RNF126: variants seen among roughly 807,000 people sequenced by gnomAD.
RNF126 encodes ring finger protein 126, also known as E3 ubiquitin-protein ligase RNF126.
RNF126 carries 20 observed loss-of-function variants against 41.9 expected under a neutral mutation model. The observed-to-expected ratio is 0.48, with a 90% confidence interval of 0.34 to 0.69. RNF126 has a LOEUF of 0.69. RNF126 is among the 30% of genes least tolerant of loss of function. RNF126 has a pLI of 0.01. For synonymous variants in RNF126, 239 were observed against 202.9 expected, an observed-to-expected ratio of 1.18 and a Z score of -1.51; for missense variants, 433 against 460.6, an observed-to-expected ratio of 0.94 and a Z score of 0.55.
At chr19:653,259 A>G (rs980590097) in intron 1 of RNF126, among the ~76,000 whole-genome samples, 1 of 152,026 alleles carries the variant, frequency 6.6e-6, no homozygotes, top group South Asian at 2.1e-4. Flanking sequence ...AATACCCCAC[A>G]GTGGCATTTC....
chr19:652,358 C>T, intron 2 of RNF126, 62 bp from the exon 3 acceptor site: 1 of 1,378,384 alleles, frequency 7.3e-7, no homozygotes, highest in Non-Finnish European at 9.9e-7. Context: ...CCAGGCGCTC[C>T]CTCCCCTCAA....
Position 648,085 on chromosome 19 carries a change from T to TG in RNF126, c.*42dup, listed in dbSNP as rs1568187619. 8 of 1,510,618 alleles carry TG rather than the reference T, an allele frequency of 5.3e-6. 1 individual carries two copies. In the South Asian group the frequency reaches 1.0e-4, roughly 20 times the overall value. 93.6% of individuals were successfully genotyped at this position (1,510,618 alleles called of 1,614,324 possible). On this transcript the variant is annotated 3_prime_UTR_variant, in exon 9 of 9. Transcript: ENST00000292363. ...GGTGCCGTGTGGCGCTGGCTGAGGG[T>TG]GGGTGGGAAAGGCCCCGTGCTTTCC...
Position 648,361 on chromosome 19 carries a change from G to GCC in RNF126, c.786+10_786+11insGG. On this transcript the variant is annotated intron_variant, in intron 8 of 8. Transcript: ENST00000292363. ...GGTCGGGGTGGGGGGGCGGGTGGGCGGGGCACTCACCTGCTCCAGCCAGGG... is the reference window on the plus strand; with the variant it reads ...GGTCGGGGTGGGGGGGCGGGTGGGCGCCGGGCACTCACCTGCTCCAGCCAGGG... 7.5e-7 allele frequency: 1 copy of GCC among 1,333,412 alleles called. No individual in the cohort carries two copies. Among genetic ancestry groups the GCC allele is most frequent in the Non-Finnish European group, 1.0e-6 (1 of 972,968 alleles). The allele number at this position is 1,333,412 out of a possible 1,614,324, so 82.6% of individuals were successfully genotyped here. A position where few individuals can be genotyped will look rare whatever the true frequency, so the allele number is the denominator to read the frequency against.
At chr19:658,942 C>T (rs2144775013) in intron 1 of RNF126, among the ~76,000 whole-genome samples, 1 of 152,334 alleles carries the variant, frequency 6.6e-6, no homozygotes, top group African/African-American at 2.4e-5. Flanking sequence ...TCAGCACCGG[C>T]ATCTGCCCGA....
At chr19:655,450 C>A (rs1223400620) in intron 1 of RNF126, among the ~76,000 whole-genome samples, 3 of 151,306 alleles carry the variant, frequency 2.0e-5, no homozygotes, top group African/African-American at 7.3e-5. Flanking sequence ...CGCGCCACTG[C>A]ACTCTAGCCC....
At chr19:649,226 G>GGGT (rs2030142059) in intron 6 of RNF126, 1 of 257,984 alleles carries the variant, frequency 3.9e-6, no homozygotes, top group African/African-American at 2.2e-5. Flanking sequence ...GGAATGGGGG[G>GGGT]GGGGGCCGCG....
intron 6 of RNF126, chr19:649,331 G>A: frequency 2.9e-6 from 1 of 349,264 alleles, no homozygotes; most frequent in Non-Finnish European, 5.2e-6. Context: ...ATGCTCCAAG[G>A]GCTCCTCAGC....
Position 650,308 on chromosome 19 carries a change from A to C in RNF126, c.444-12T>G, listed in dbSNP as rs770534456. On this transcript the variant is annotated splice_polypyrimidine_tract_variant and intron_variant, in intron 4 of 8. Transcript: ENST00000292363. Reference sequence around the variant, plus strand: ...GCTGCTGGATGATCCTGGAAAAGAGAGCGCCAGTCACGGGGTGAGGCCGCC... The same window carrying C: ...GCTGCTGGATGATCCTGGAAAAGAGCGCGCCAGTCACGGGGTGAGGCCGCC... 12 of 1,572,168 alleles carry C rather than the reference A, an allele frequency of 7.6e-6. No individual in the cohort carries two copies. Among genetic ancestry groups the C allele is most frequent in the Middle Eastern group, 1.7e-4 (1 of 6,018 alleles).
intron 3 of RNF126, 28 bp from the exon 4 acceptor site, chr19:651,883 G>A (rs755439775): frequency 3.8e-5 from 60 of 1,589,684 alleles, no homozygotes; most frequent in Middle Eastern, 1.7e-4. Flanking sequence ...GCGTGACCTC[G>A]GGGGCTCAGG....
At chr19:648,560 C>T (rs1031887613) in intron 7 of RNF126, 73 bp from the exon 8 acceptor site, 11 of 1,259,444 alleles carry the variant, frequency 8.7e-6, no homozygotes, top group Middle Eastern at 2.6e-4. Context: ...GGCTACTCCA[C>T]AGCCTCAGCC....
At chr19:650,585 T>A (rs908545388) in intron 4 of RNF126, 11 of 30,934 alleles carry the variant, frequency 3.6e-4, no homozygotes, top group Admixed American at 7.0e-4. Context: ...TCTCGGCTAC[T>A]TTTTTTTTTT....
chr19:652,946 A>C, intron 1 of RNF126, 62 bp from the exon 2 acceptor site: 2 of 1,504,236 alleles, frequency 1.3e-6, no homozygotes, highest in Middle Eastern at 1.7e-4. Context: ...AACCCCCCCA[A>C]GTGTGAGGAC....
At position 648,047 on chromosome 19, in the gene RNF126, CACCCA is replaced by C; in HGVS notation, c.*76_*80del. On this transcript the variant is annotated 3_prime_UTR_variant, in exon 9 of 9. Transcript: ENST00000292363. ...CCAGCCAAGCGTGGCGCCGCCGGGG[CACCCA>C]GTCTGTGGGTGCCGTGTGGCGCTGG... 2.1e-6 allele frequency: 3 copies of C among 1,422,812 alleles called. No homozygotes were observed. Among genetic ancestry groups the C allele is most frequent in the Non-Finnish European group, 2.8e-6 (3 of 1,077,798 alleles). The allele number at this position is 1,422,812 out of a possible 1,614,324, so 88.1% of individuals were successfully genotyped here.
intron 1 of RNF126, 113 bp from the exon 2 acceptor site, chr19:652,997 C>A (rs2030396444): frequency 2.0e-6 from 2 of 1,013,754 alleles, no homozygotes; most frequent in African/African-American, 1.6e-5. Context: ...TGGCCAGGCA[C>A]ACGCAGGCCA....
At chr19:654,317 G>GA (rs2030463041) in intron 1 of RNF126, among the ~76,000 whole-genome samples, 1 of 152,178 alleles carries the variant, frequency 6.6e-6, no homozygotes, top group Non-Finnish European at 1.5e-5. Flanking sequence ...CACCACATGC[G>GA]TTTCAGCCCA....
intron 1 of RNF126, among the ~76,000 whole-genome samples, chr19:662,009 G>A (rs564410746): frequency 3.9e-5 from 6 of 152,074 alleles, no homozygotes; most frequent in Admixed American, 1.3e-4. Flanking sequence ...CCTGGCGAAG[G>A]GCAACACGGG....
intron 6 of RNF126, 140 bp downstream of exon 6, chr19:649,539 G>C (rs933068404): frequency 1.5e-6 from 1 of 658,528 alleles, no homozygotes; most frequent in Non-Finnish European, 2.6e-6. Context: ...TGCCCCCTGT[G>C]CCCGCCAGAG....
intron 7 of RNF126, 41 bp from the exon 8 acceptor site, chr19:648,528 G>A (rs1049525639): frequency 2.7e-6 from 4 of 1,465,508 alleles, no homozygotes; most frequent in Non-Finnish European, 2.8e-6. Context: ...GGCGTGGGGG[G>A]CCTGCCGAGC....
Position 651,808 on chromosome 19 carries a change from A to C in RNF126, c.246T>G (p.Phe82Leu). 1.2e-6 allele frequency: 2 copies of C among 1,612,742 alleles called. No homozygotes were observed. Among genetic ancestry groups the C allele is most frequent in the Non-Finnish European group, 1.7e-6 (2 of 1,179,852 alleles). The change falls in exon 4 of 9, where the codon TTT (phenylalanine) becomes TTG (leucine). Residue 82 changes from phenylalanine (F) to leucine (L), a missense_variant. Transcript: ENST00000292363. Reference sequence around the variant, plus strand: ...AGCTGTCATCGAAGATGCCGAAAGCAAACTGTCCGTAGCCCTGCGGCAGCG... The same window carrying C: ...AGCTGTCATCGAAGATGCCGAAAGCCAACTGTCCGTAGCCCTGCGGCAGCG... ...LFTLPQGYGQ[F>L]AFGIFDDSFE...
Sources: allele counts gnomAD v4.1 joint callset (sites outside exome capture counted in the v4.1 genomes callset), GRCh38; gene constraint gnomAD v4.1.1; transcripts MANE v1.5; gene names NCBI Gene and HGNC (gene_info 2026-07-23, HGNC 2026-07-21).